GSS: variants seen among roughly 807,000 people sequenced by gnomAD.
The protein encoded by GSS is GSH synthetase.
GSS carries 34 observed loss-of-function variants against 60.4 expected under a neutral mutation model. The observed-to-expected ratio is 0.56, with a 90% CI of 0.43 to 0.75. The LOEUF is 0.75. Ranked by LOEUF, GSS falls within the 30% of genes least tolerant of loss-of-function variation. GSS has a pLI of 0.00. For synonymous variants in GSS, 224 were observed against 239.0 expected (o/e 0.94, Z 0.58); for missense variants, 499 against 595.1 (o/e 0.84, Z 1.68).
At chr20:34,931,875 C>T in intron 10 of GSS, 64 bp downstream of exon 10, 1 of 1,438,478 alleles carries the variant, frequency 7.0e-7, no homozygotes, top group Admixed American at 1.7e-5. Context: ...CTCCCCAACA[C>T]ATTGGGCTGT....
intron 6 of GSS, among the ~76,000 whole-genome samples, chr20:34,937,559 C>G (rs1351730504): frequency 6.6e-6 from 1 of 152,172 alleles, no homozygotes; most frequent in African/African-American, 2.4e-5. Flanking sequence ...GGGCCAACTA[C>G]AAACAACGAC....
In GSS at chr20:34,928,575, G is replaced by A. The variant is rs1261791601; in HGVS notation, c.*253C>T. 5.3e-6 allele frequency: 3 copies of A among 563,702 alleles called. No homozygotes were observed. In the African/African-American group the frequency reaches 5.6e-5, roughly 11 times the overall value. The allele number at this position is 563,702 out of a possible 1,614,324, so 34.9% of individuals were successfully genotyped here. ...GCTGATGAGGGGCTGACAGGAGTGG[G>A]GCAGGGTTCATGGACCTTTACCTCA... On this transcript the variant is annotated 3_prime_UTR_variant, in exon 13 of 13. Coordinates refer to ENST00000651619, the MANE Select transcript of GSS (RefSeq NM_000178.4).
rs1042963544 is a variant in GSS at position 34,942,935 on chromosome 20, G to C, written c.347C>G (p.Ala116Gly). The C allele has an allele frequency of 1.9e-5, 31 of 1,595,594 alleles. No individual in the cohort carries two copies. The highest frequency in any genetic ancestry group is 2.7e-5 in the Non-Finnish European group (31 of 1,164,574). ...AGTAGGGCTGGGAATGGTTACCTGG[G>C]CAATGCCCTCTTTTAGGACTTGCTT... The part of the protein sequence containing the change: ...IHKQVLKEGI[A>G]QTVFLGLNRS... Residue 116 changes from alanine to glycine, a missense_variant, in exon 4 of 13, where the codon GCC (alanine) becomes GGC (glycine). Ala to Gly is a moderately conservative substitution (Grantham distance 60). Transcript: ENST00000651619.
intron 2 of GSS, chr20:34,949,355 C>T (rs912573658): frequency 2.0e-5 from 3 of 152,012 alleles, no homozygotes; most frequent in Non-Finnish European, 4.4e-5. Flanking sequence ...GGCTGTCTGA[C>T]GCTGGCCTGC....
At position 34,929,499 on chromosome 20, in the gene GSS, G is replaced by C. The variant is rs138574949; in HGVS notation, c.1203C>G (p.Ile401Met). Residue 401 changes from isoleucine (I) to methionine (M), a missense_variant, in exon 12 of 13, where the codon ATC becomes ATG. Transcript: ENST00000651619. ...GGCAATTCTCAAAAGGCTCAGGTTC[G>C]ATCTTCTCCATGAGGATGTAGGAGG... ...ERASYILMEK[I>M]EPEPFENCLL... is the part of the protein sequence containing the mutation. The C allele has an allele frequency of 6.2e-7, 1 of 1,613,888 alleles. No homozygotes were observed. The highest frequency in any genetic ancestry group is 8.5e-7 in the Non-Finnish European group (1 of 1,179,734).
rs780791847 is a variant in GSS at position 34,928,901 on chromosome 20, G to A, written c.1352C>T (p.Thr451Ile). 1.9e-6 allele frequency: 3 copies of A among 1,613,898 alleles called. No homozygotes were observed. The highest frequency in any genetic ancestry group is 1.7e-4 in the Middle Eastern group (1 of 5,888). ...MNKHVGHLLR[T>I]KAIEHADGGV... ...ACCATCTGCATGCTCGATGGCTTTG[G>A]TTCGAAGTAGATGCCCCACGTGCTT... The change falls in exon 13 of 13, where the codon ACC becomes ATC. Residue 451 changes from threonine to isoleucine, a missense_variant. Transcript: ENST00000651619.
In GSS at chr20:34,951,848, GC is replaced by G. The variant is rs752560204; in HGVS notation, c.4del (p.Ala2ProfsTer14). On this transcript the variant is annotated frameshift_variant, in exon 2 of 13. Coordinates refer to ENST00000651619, the MANE Select transcript of GSS (RefSeq NM_000178.4). LOFTEE classifies it high-confidence loss of function. M[A>X]TNWGSLLQDK... ...CTGCAAGAGGCTCCCCCAGTTGGTG[GC>G]CATCCCAACACCTGCAAAAGATGGA... is the stretch of plus-strand genomic sequence containing the variant. 185 of 1,613,962 alleles carry G rather than the reference GC, an allele frequency of 1.1e-4. No homozygotes were observed. The highest frequency in any genetic ancestry group is 2.1e-5 in the Non-Finnish European group (25 of 1,180,020).
At position 34,936,055 on chromosome 20, in the gene GSS, G is replaced by T. The variant is rs1479196562; in HGVS notation, c.768-413C>A. Among the ~76,000 whole-genome samples, 5 of 152,216 alleles carry T rather than the reference G, an allele frequency of 3.3e-5. No homozygotes were observed. In the East Asian group the frequency reaches 9.6e-4, roughly 29 times the overall value. On this transcript the variant is annotated intron_variant, in intron 8 of 12. Coordinates refer to ENST00000651619, the MANE Select transcript of GSS (RefSeq NM_000178.4). ...AACCAGAATGAAAAAATTTTTAATGGCAGGGGTGAAGGTGAAAACGCAAAC... is the reference window on the plus strand; with the variant it reads ...AACCAGAATGAAAAAATTTTTAATGTCAGGGGTGAAGGTGAAAACGCAAAC...
intron 1 of GSS, chr20:34,955,329 A>T (rs1405264485): frequency 6.6e-6 from 1 of 152,230 alleles, no homozygotes; most frequent in East Asian, 1.9e-4. Context: ...AATCGGTCGC[A>T]CTTTATCGCC....
At chr20:34,942,812 C>T (rs1247239953) in intron 4 of GSS, 119 bp downstream of exon 4, 2 of 912,408 alleles carry the variant, frequency 2.2e-6, no homozygotes, top group Non-Finnish European at 3.6e-6. Context: ...CCAGTGAGGA[C>T]CAGTGAGAGG....
rs1569008210 is a variant in GSS at position 34,929,524 on chromosome 20, GC to G, written c.1177del (p.Ala393ProfsTer48). ...GATCTTCTCCATGAGGATGTAGGAG[GC>G]CCTCTCCTCACTGTCCTTCAGCTGT... ...LKQLKDSEER[A>X]SYILMEKIEP... is the part of the protein sequence containing the mutation. On this transcript the variant is annotated frameshift_variant, in exon 12 of 13. Coordinates refer to ENST00000651619, the MANE Select transcript of GSS (RefSeq NM_000178.4). LOFTEE classifies it high-confidence loss of function. 1 of 1,613,008 alleles carries G rather than the reference GC, an allele frequency of 6.2e-7. No individual in the cohort carries two copies. Among genetic ancestry groups the G allele is most frequent in the Admixed American group, 1.7e-5 (1 of 60,024 alleles).
chr20:34,931,877 T>G, intron 10 of GSS, 62 bp downstream of exon 10: 1 of 1,455,820 alleles, frequency 6.9e-7, no homozygotes, highest in Non-Finnish European at 9.6e-7. Context: ...CCCCAACACA[T>G]TGGGCTGTAG....
Position 34,943,022 on chromosome 20 carries a change from G to A in GSS, c.276-16C>T, listed in dbSNP as rs1569014553. On this transcript the variant is annotated splice_polypyrimidine_tract_variant and intron_variant, in intron 3 of 12. Transcript: ENST00000651619. ...TTTGATGGTGCTGGAGGAAGAAACAGAGAACATTTTGCAGGCTTAATTGGA... is the reference window on the plus strand; with the variant it reads ...TTTGATGGTGCTGGAGGAAGAAACAAAGAACATTTTGCAGGCTTAATTGGA... The A allele has an allele frequency of 1.9e-6, 3 of 1,590,118 alleles. No individual in the cohort carries two copies. The highest frequency in any genetic ancestry group is 1.7e-6 in the Non-Finnish European group (2 of 1,160,484).
At chr20:34,938,649 A>T (rs1177854168) in intron 6 of GSS, among the ~76,000 whole-genome samples, 7 of 152,194 alleles carry the variant, frequency 4.6e-5, no homozygotes, top group Non-Finnish European at 7.3e-5. Flanking sequence ...GAAGGCTGGC[A>T]GCTGGAGGTT....
At chr20:34,942,869 C>A in intron 4 of GSS, 62 bp downstream of exon 4, 1 of 1,262,972 alleles carries the variant, frequency 7.9e-7, no homozygotes, top group Non-Finnish European at 1.1e-6. Flanking sequence ...TCAAGCAAAA[C>A]AGAAAACAAA....
At chr20:34,937,679 T>G (rs2081450651) in intron 6 of GSS, among the ~76,000 whole-genome samples, 1 of 152,068 alleles carries the variant, frequency 6.6e-6, no homozygotes, top group Non-Finnish European at 1.5e-5. Context: ...TCTCTGATTA[T>G]TCATGTATTT....
Position 34,929,524 on chromosome 20 carries a change from G to A in GSS, c.1178C>T (p.Ala393Val), listed in dbSNP as rs1569008204. The A allele has an allele frequency of 6.2e-7, 1 of 1,613,008 alleles. No individual in the cohort carries two copies. Among genetic ancestry groups the A allele is most frequent in the South Asian group, 1.1e-5 (1 of 91,058 alleles). ...GATCTTCTCCATGAGGATGTAGGAG[G>A]CCCTCTCCTCACTGTCCTTCAGCTG... Reference protein sequence around the residue: ...LKQLKDSEERASYILMEKIEP... With the variant: ...LKQLKDSEERVSYILMEKIEP... Residue 393 changes from alanine (A) to valine (V), a missense_variant, in exon 12 of 13, where the codon GCC (alanine) becomes GTC (valine). Transcript: ENST00000651619.
chr20:34,953,609 CCTCT>C (rs1456935462), intron 1 of GSS, among the ~76,000 whole-genome samples: 3 of 148,140 alleles, frequency 2.0e-5, no homozygotes, highest in African/African-American at 7.6e-5. Context: ...TCTCTCCCTC[CCTCT>C]TTCTTTCTTT....
chr20:34,942,487 C>A lies in GSS; in HGVS notation c.491+1G>T. The A allele has an allele frequency of 6.2e-7, 1 of 1,613,274 alleles. No homozygotes were observed. Among genetic ancestry groups the A allele is most frequent in the Non-Finnish European group, 8.5e-7 (1 of 1,179,688 alleles). ...TGCCGGGGGCTGCCCAGGGGACCCA[C>A]CGGTGCACAGCTGGGGTCCGGGAGG... On this transcript the variant is annotated splice_donor_variant, in intron 5 of 12. Coordinates refer to ENST00000651619, the MANE Select transcript of GSS (RefSeq NM_000178.4). LOFTEE classifies it high-confidence loss of function.
Sources: gnomAD v4.1 joint callset for allele counts (sites outside exome capture counted in the v4.1 genomes callset) on GRCh38, gnomAD v4.1.1 for gene constraint, MANE v1.5 for transcripts, NCBI Gene and HGNC (gene_info 2026-07-23, HGNC 2026-07-21) for gene names.